GRIP1: variants seen among roughly 807,000 people sequenced by gnomAD.
GRIP1 encodes glutamate receptor interacting protein 1.
A neutral mutation model predicts 129.9 loss-of-function variants in GRIP1; 45 were observed. The observed-to-expected ratio is 0.35, with a 90% confidence interval of 0.27 to 0.44. The LOEUF (loss-of-function observed/expected upper bound fraction) is 0.44. Ranked by LOEUF, GRIP1 falls within the 20% of genes least tolerant of loss-of-function variation. The probability of loss-of-function intolerance (pLI) is 1.00; values close to 1 mark genes in which losing one functional copy is unlikely to be tolerated. For missense variants in GRIP1, 1,196 were observed against 1,396.8 expected, an observed-to-expected ratio of 0.86 and a Z score of 2.29; for synonymous variants, 530 against 520.8, an observed-to-expected ratio of 1.02 and a Z score of -0.24.
intron 1 of GRIP1, among the ~76,000 whole-genome samples, chr12:66,885,653 A>T (rs970010742): frequency 6.6e-6 from 1 of 152,146 alleles, no homozygotes; most frequent in Non-Finnish European, 1.5e-5. Context: ...AGGTGGGATG[A>T]GATAGCTCAG....
chr12:66,750,515 G>C (rs1426829696), intron 1 of GRIP1, among the ~76,000 whole-genome samples: 1 of 152,164 alleles, frequency 6.6e-6, no homozygotes, highest in Non-Finnish European at 1.5e-5. Context: ...ACCTGTCAAG[G>C]GGAGGAGGTC....
chr12:66,974,497 T>G (rs956451337), intron 1 of GRIP1, among the ~76,000 whole-genome samples: 1 of 152,184 alleles, frequency 6.6e-6, no homozygotes, highest in Non-Finnish European at 1.5e-5. Flanking sequence ...TTGTATAAAC[T>G]GCATAAATCC....
At chr12:66,674,110 T>C (rs1266951713) in intron 1 of GRIP1, among the ~76,000 whole-genome samples, 1 of 152,082 alleles carries the variant, frequency 6.6e-6, no homozygotes, top group Admixed American at 6.6e-5. Flanking sequence ...CAGCGAGGGT[T>C]AGCAGAATGG....
intron 1 of GRIP1, among the ~76,000 whole-genome samples, chr12:66,733,139 C>A (rs897789405): frequency 6.6e-6 from 1 of 152,000 alleles, no homozygotes; most frequent in Non-Finnish European, 1.5e-5. Context: ...AGCCACCATG[C>A]CAGAATCTAA....
chr12:66,409,142 C>T (rs2057299458), intron 15 of GRIP1, among the ~76,000 whole-genome samples: 1 of 152,140 alleles, frequency 6.6e-6, no homozygotes, highest in Non-Finnish European at 1.5e-5. Context: ...TTGCCACCTG[C>T]TGATTGTAGA....
At chr12:67,055,326 A>G (rs1235891441) in intron 1 of GRIP1, among the ~76,000 whole-genome samples, 1 of 152,324 alleles carries the variant, frequency 6.6e-6, no homozygotes, top group East Asian at 1.9e-4. Context: ...GATGTGGTGC[A>G]CAAGTGGAGG....
rs138950532 is a variant in GRIP1, at chr12:66,916,363, G to A, written c.58+152687C>T. On this transcript the variant is annotated intron_variant, in intron 1 of 1. Transcript: ENST00000643019. ...TCTGGAGAATTTGAGAGAAGAACCT[G>A]GTGTTCATGCTCCCTTCCGCCCACA... 1.8e-3 allele frequency among the ~76,000 whole-genome samples: 268 copies of A among 152,188 alleles called. 2 individuals are homozygous for A. Among genetic ancestry groups the A allele is most frequent in the African/African-American group, 6.1e-3 (254 of 41,522 alleles).
At chr12:66,418,948 AC>A (rs761349955) in intron 15 of GRIP1, among the ~76,000 whole-genome samples, 1 of 152,198 alleles carries the variant, frequency 6.6e-6, no homozygotes, top group Non-Finnish European at 1.5e-5. Flanking sequence ...TTGGGTATAT[AC>A]CCAAAAGAAA....
At chr12:66,420,222 A>G (rs907711050) in intron 15 of GRIP1, among the ~76,000 whole-genome samples, 1 of 152,208 alleles carries the variant, frequency 6.6e-6, no homozygotes, top group African/African-American at 2.4e-5. Context: ...AATCATTTAA[A>G]AATATTTTTA....
At chr12:66,428,842 G>A (rs1395227960) in intron 14 of GRIP1, among the ~76,000 whole-genome samples, 1 of 152,188 alleles carries the variant, frequency 6.6e-6, no homozygotes, top group African/African-American at 2.4e-5. Context: ...GGACTTTACT[G>A]ATAATGGGAT....
At chr12:66,684,240 T>C (rs1282884887) in intron 1 of GRIP1, among the ~76,000 whole-genome samples, 1 of 152,202 alleles carries the variant, frequency 6.6e-6, no homozygotes, top group African/African-American at 2.4e-5. Flanking sequence ...GTGATTAGTA[T>C]GGATTGGTTT....
chr12:66,939,756 T>C (rs2137441607), intron 1 of GRIP1, among the ~76,000 whole-genome samples: 1 of 152,330 alleles, frequency 6.6e-6, no homozygotes, highest in Admixed American at 6.5e-5. Context: ...GGAAATATCT[T>C]AGAGTTCACA....
intron 1 of GRIP1, among the ~76,000 whole-genome samples, chr12:66,610,663 T>C (rs951005267): frequency 3.9e-4 from 59 of 152,176 alleles, no homozygotes; most frequent in African/African-American, 1.4e-3. Flanking sequence ...TCAGAGATGC[T>C]TTCACAGAAA....
intron 2 of GRIP1, among the ~76,000 whole-genome samples, chr12:66,550,614 T>C (rs1464202162): frequency 6.6e-6 from 1 of 152,208 alleles, no homozygotes; most frequent in Non-Finnish European, 1.5e-5. Context: ...TTAGAAACTC[T>C]GACCTAGAAG....
intron 1 of GRIP1, among the ~76,000 whole-genome samples, chr12:67,009,239 A>G (rs2042670814): frequency 6.6e-6 from 1 of 152,120 alleles, no homozygotes; most frequent in Admixed American, 6.6e-5. Flanking sequence ...TTGATATTGT[A>G]TATGTAATTG....
At chr12:66,609,612 C>T (rs906576306) in intron 1 of GRIP1, among the ~76,000 whole-genome samples, 5 of 152,142 alleles carry the variant, frequency 3.3e-5, no homozygotes, top group East Asian at 1.9e-4. Flanking sequence ...TCTAACTCTC[C>T]TTGGGTTATG....
chr12:66,883,363 A>C (rs1036284352), intron 1 of GRIP1, among the ~76,000 whole-genome samples: 4 of 152,168 alleles, frequency 2.6e-5, no homozygotes, highest in African/African-American at 4.8e-5. Context: ...TCATTTTCAC[A>C]GTACCCATCA....
chr12:66,905,017 T>C (rs1418580805), intron 1 of GRIP1, among the ~76,000 whole-genome samples: 4 of 152,206 alleles, frequency 2.6e-5, no homozygotes, highest in African/African-American at 9.7e-5. Context: ...GATTTCACCA[T>C]CCCAAGTCCT....
At chr12:66,740,162 C>T (rs149767551) in intron 1 of GRIP1, among the ~76,000 whole-genome samples, 2 of 152,298 alleles carry the variant, frequency 1.3e-5, no homozygotes, top group African/African-American at 4.8e-5. Context: ...GTCCTTGTTG[C>T]TATGCCATGT....
Sources: gnomAD v4.1 joint callset for allele counts (sites outside exome capture counted in the v4.1 genomes callset) on GRCh38, gnomAD v4.1.1 for gene constraint, MANE v1.5 for transcripts, NCBI Gene and HGNC (gene_info 2026-07-23, HGNC 2026-07-21) for gene names.